The following NINJ2 variants were observed in gnomAD, a reference collection of about 807,000 sequenced individuals.
The protein encoded by NINJ2 is ninjurin-2.
Under a neutral mutation model 11.7 loss-of-function variants are expected in NINJ2, and 12 were observed. That is an observed-to-expected ratio of 1.02 (90% CI 0.66 to 1.66). The LOEUF (loss-of-function observed/expected upper bound fraction) is 1.66, where lower values mean the gene tolerates loss of function less well. Among genes scored for constraint, NINJ2 ranks in the 40% most tolerant of loss-of-function variants. NINJ2 has a pLI of 0.00. For synonymous variants in NINJ2, 93 were observed against 76.8 expected, an observed-to-expected ratio of 1.21 and a Z score of -1.10; for missense variants, 187 against 181.8, an observed-to-expected ratio of 1.03 and a Z score of -0.16.
intron 1 of NINJ2, among the ~76,000 whole-genome samples, chr12:662,901 T>C (rs909853156): frequency 1.1e-4 from 16 of 152,168 alleles, no homozygotes; most frequent in Non-Finnish European, 1.5e-4. Context: ...TTTTCCAACC[T>C]GTAAAATGCA....
chr12:623,870 C>T (rs751029070), intron 1 of NINJ2, among the ~76,000 whole-genome samples: 2 of 152,006 alleles, frequency 1.3e-5, no homozygotes, highest in Non-Finnish European at 1.5e-5. Flanking sequence ...CCTGTCTCTA[C>T]AAAAAATTTT....
intron 1 of NINJ2, among the ~76,000 whole-genome samples, chr12:618,199 AGAGTTGGTAATGAGGAGGTGGGGGTGAG>A (rs71045086): frequency 6.4e-5 from 6 of 94,308 alleles, no homozygotes; most frequent in African/African-American, 1.9e-4. Flanking sequence ...AGTCCCGTGG[AGAGTTGGTAATGAGGAGGTGGGGGTGAG>A]GAGTTGGTAA....
intron 1 of NINJ2, among the ~76,000 whole-genome samples, chr12:601,646 C>G (rs1317494241): frequency 6.6e-6 from 1 of 152,124 alleles, no homozygotes; most frequent in African/African-American, 2.4e-5. Context: ...GGTGGTTCAC[C>G]TCAGGTCAGG....
At chr12:576,296 G>A (rs774222029) in intron 1 of NINJ2, among the ~76,000 whole-genome samples, 3 of 152,136 alleles carry the variant, frequency 2.0e-5, no homozygotes, top group Non-Finnish European at 4.4e-5. Flanking sequence ...GCCAGGAAAC[G>A]GCGCGGCGAG....
intron 1 of NINJ2, among the ~76,000 whole-genome samples, chr12:595,468 G>A (rs1338949707): frequency 6.6e-6 from 1 of 152,170 alleles, no homozygotes; most frequent in Admixed American, 6.5e-5. Flanking sequence ...CCACAGACTG[G>A]GAGTAAATAT....
intron 1 of NINJ2, among the ~76,000 whole-genome samples, chr12:601,957 C>A (rs991796718): frequency 2.0e-5 from 3 of 152,202 alleles, no homozygotes; most frequent in Non-Finnish European, 4.4e-5. Context: ...ATCTGTCTGA[C>A]TTGATACACA....
intron 1 of NINJ2, chr12:632,648 TGAAGA>T (rs1267554400): frequency 6.6e-6 from 1 of 150,550 alleles, no homozygotes; most frequent in Non-Finnish European, 1.5e-5. Flanking sequence ...AAACACTGAA[TGAAGA>T]GAAGTACTAG....
At chr12:597,743 T>G (rs1947807589) in intron 1 of NINJ2, among the ~76,000 whole-genome samples, 1 of 152,214 alleles carries the variant, frequency 6.6e-6, no homozygotes. Flanking sequence ...GAGGCGAATG[T>G]ATTAGTGGGA....
intron 1 of NINJ2, among the ~76,000 whole-genome samples, chr12:625,838 T>C (rs1948205450): frequency 6.6e-6 from 1 of 152,224 alleles, no homozygotes; most frequent in Admixed American, 6.5e-5. Flanking sequence ...TAATAAATGG[T>C]TGATAGGATA....
Position 640,455 on chromosome 12 carries a change from T to C in NINJ2, c.33+22873A>G, listed in dbSNP as rs1948404216. The stretch of plus-strand genomic sequence containing the variant: ...TGACAGCAGGGCCTTTAGTCCCAAC[T>C]ACAGTCATTAATTCATCCCTGGTAC... On this transcript the variant is annotated intron_variant, in intron 1 of 3. Transcript: ENST00000305108. The surrounding 1 kb of genome is among the most constrained non-coding windows in gnomAD (Gnocchi z 4.0). 6.6e-6 allele frequency among the ~76,000 whole-genome samples: 1 copy of C among 152,244 alleles called. No homozygotes were observed. Among genetic ancestry groups the C allele is most frequent in the Non-Finnish European group, 1.5e-5 (1 of 68,038 alleles).
At chr12:617,802 C>T (rs958592495) in intron 1 of NINJ2, among the ~76,000 whole-genome samples, 5 of 152,128 alleles carry the variant, frequency 3.3e-5, no homozygotes, top group African/African-American at 9.7e-5. Context: ...CAGGGCCCTG[C>T]CTCCTAAGAA....
intron 1 of NINJ2, among the ~76,000 whole-genome samples, chr12:621,622 T>C: frequency 6.8e-6 from 1 of 147,488 alleles, no homozygotes; most frequent in Admixed American, 6.7e-5. Flanking sequence ...ATCAAGACCA[T>C]CCTGGCCAAC....
intron 1 of NINJ2, among the ~76,000 whole-genome samples, chr12:622,676 T>C (rs1329007375): frequency 6.6e-6 from 1 of 152,132 alleles, no homozygotes; most frequent in Non-Finnish European, 1.5e-5. Flanking sequence ...AAAAATGTGT[T>C]GCTTTGTTTT....
rs553517622 is a variant in NINJ2, at chr12:601,404, C to T, written c.34-35226G>A. On this transcript the variant is annotated intron_variant, in intron 1 of 3. Coordinates refer to ENST00000305108, the MANE Select transcript of NINJ2 (RefSeq NM_016533.6). ...TACTAAAAATACAAAAAAAATTAGC[C>T]AGGCGTGGTGGCGGGCGCCTGTAGT... Among the ~76,000 whole-genome samples, 84 of 151,336 alleles carry T rather than the reference C, an allele frequency of 5.6e-4. No homozygotes were observed. The South Asian group carries it at 0.016, about 30-fold the overall frequency.
chr12:571,236 G>A lies in NINJ2; in HGVS notation c.34-5058C>T, dbSNP rs571394835. Among the ~76,000 whole-genome samples the A allele has an allele frequency of 2.0e-5, 3 of 152,300 alleles. No homozygotes were observed. The South Asian group carries it at 6.2e-4, about 32-fold the overall frequency. On this transcript the variant is annotated intron_variant, in intron 1 of 3. Transcript: ENST00000305108. ...ACAGACGGGGAGTTTGGGGCGGCAT[G>A]AAGCTGGAGCGCGGCCAGTGCAGGG...
intron 1 of NINJ2, among the ~76,000 whole-genome samples, chr12:658,670 GCTATGCTATGC>G (rs1937908824): frequency 7.6e-6 from 1 of 131,026 alleles, no homozygotes; most frequent in African/African-American, 3.0e-5. Flanking sequence ...GCTATGCTAT[GCTATGCTATGC>G]TATGCTATGC....
chr12:587,671 C>A (rs563490939), intron 1 of NINJ2, among the ~76,000 whole-genome samples: 1 of 152,140 alleles, frequency 6.6e-6, no homozygotes, highest in Non-Finnish European at 1.5e-5. Flanking sequence ...TTCTTCCCTG[C>A]CCCGGGGCCT....
intron 1 of NINJ2, among the ~76,000 whole-genome samples, chr12:602,653 G>C (rs1003073535): frequency 1.3e-5 from 2 of 152,180 alleles, no homozygotes; most frequent in Non-Finnish European, 2.9e-5. Flanking sequence ...CCGTACCTCT[G>C]TGATTAGCTT....
chr12:609,298 G>A (rs1253737975), intron 1 of NINJ2, among the ~76,000 whole-genome samples: 1 of 139,524 alleles, frequency 7.2e-6, no homozygotes, highest in Middle Eastern at 4.1e-3. Flanking sequence ...GAACGCACAC[G>A]CACGGCGCCA....
Sources: gnomAD v4.1 joint callset for allele counts (sites outside exome capture counted in the v4.1 genomes callset) on GRCh38, gnomAD v4.1.1 for gene constraint, Gnocchi (gnomAD v3.1) non-coding constraint, MANE v1.5 for transcripts, NCBI Gene and HGNC (gene_info 2026-07-23, HGNC 2026-07-21) for gene names.